Variants in PAPOLA observed in about 807,000 individuals in gnomAD.
PAPOLA encodes poly(A) polymerase alpha, also known as polynucleotide adenylyltransferase alpha.
In PAPOLA, 15 loss-of-function variants were observed where a neutral mutation model predicts 100.6. That is an observed-to-expected ratio of 0.15 (90% CI 0.10 to 0.23). PAPOLA has a LOEUF of 0.23. Among genes scored for constraint, PAPOLA ranks in the 10% least tolerant of loss-of-function variants. The pLI, the probability that PAPOLA is intolerant of heterozygous loss-of-function variation, is 1.00. For synonymous variants in PAPOLA, 293 were observed against 300.0 expected, an observed-to-expected ratio of 0.98 and a Z score of 0.24; for missense variants, 533 against 884.2, an observed-to-expected ratio of 0.60 and a Z score of 5.04.
Position 96,534,521 on chromosome 14 carries a change from G to A in PAPOLA, c.867G>A (p.Gln289=), listed in dbSNP as rs748079851. 6.2e-7 allele frequency: 1 copy of A among 1,613,918 alleles called. No homozygotes were observed. The highest frequency in any genetic ancestry group is 8.5e-7 in the Non-Finnish European group (1 of 1,179,892). ...WEWPNPVLLK[Q]PEECNLNLPV... Reference sequence around the variant, plus strand: ...GGCCAAATCCAGTGCTATTGAAACAGCCTGAAGAATGCAATCTTAATTTGC... The same window carrying A: ...GGCCAAATCCAGTGCTATTGAAACAACCTGAAGAATGCAATCTTAATTTGC... Residue 289 remains glutamine (Q), a synonymous_variant, in exon 10 of 22, where the codon CAG becomes CAA. Coordinates refer to ENST00000216277, the MANE Select transcript of PAPOLA (RefSeq NM_032632.5).
At chr14:96,518,417 T>TG (rs1897649948) in intron 1 of PAPOLA, among the ~76,000 whole-genome samples, 2 of 151,870 alleles carry the variant, frequency 1.3e-5, no homozygotes, top group South Asian at 4.2e-4. Context: ...CTTTTTGCTT[T>TG]TTTTTTTTTG....
intron 21 of PAPOLA, among the ~76,000 whole-genome samples, chr14:96,564,118 C>T (rs1485507815): frequency 1.3e-5 from 2 of 151,818 alleles, no homozygotes; most frequent in African/African-American, 4.8e-5. Flanking sequence ...ATGTTAGGGG[C>T]GTACTTATTT....
intron 1 of PAPOLA, among the ~76,000 whole-genome samples, chr14:96,505,040 C>T (rs1265013334): frequency 1.3e-5 from 2 of 152,220 alleles, no homozygotes; most frequent in Admixed American, 6.5e-5. Context: ...GTCTAAATTT[C>T]ATATGTAGCT....
At chr14:96,536,887 T>A in intron 11 of PAPOLA, 89 bp from the exon 12 acceptor site, 1 of 744,242 alleles carries the variant, frequency 1.3e-6, no homozygotes, top group Non-Finnish European at 2.4e-6. Context: ...TTTAGGATTA[T>A]AGTGAGTGCA....
At position 96,552,679 on chromosome 14, in the gene PAPOLA, C is replaced by T. The variant is rs1001840153; in HGVS notation, c.1664+57C>T. The T allele has an allele frequency of 4.1e-6, 6 of 1,465,302 alleles. No individual in the cohort carries two copies. In the African/African-American group the frequency reaches 8.4e-5, roughly 21 times the overall value. The allele number at this position is 1,465,302 out of a possible 1,614,324, so 90.8% of individuals were successfully genotyped here. A position where few individuals can be genotyped will look rare whatever the true frequency, so the allele number is the denominator to read the frequency against. ...GGCTGTTTGCTAAATCAATCAGATA[C>T]ATTCTCTTTTTGCTATTAAAGTCAT... On this transcript the variant is annotated intron_variant, in intron 17 of 21. Coordinates refer to ENST00000216277, the MANE Select transcript of PAPOLA (RefSeq NM_032632.5).
intron 1 of PAPOLA, among the ~76,000 whole-genome samples, chr14:96,512,272 A>T (rs75169415): frequency 3.9e-5 from 6 of 152,220 alleles, no homozygotes; most frequent in Middle Eastern, 3.4e-3. Flanking sequence ...TAAAAAAAAA[A>T]CTGGGTGTCA....
chr14:96,508,934 G>A (rs1338557249), intron 1 of PAPOLA, among the ~76,000 whole-genome samples: 3 of 152,194 alleles, frequency 2.0e-5, no homozygotes, highest in African/African-American at 7.2e-5. Context: ...TGTAGATTGG[G>A]GCTTAAATCA....
At chr14:96,560,755 C>G (rs777577097) in intron 20 of PAPOLA, 44 bp downstream of exon 20, 1 of 1,150,960 alleles carries the variant, frequency 8.7e-7, no homozygotes, top group East Asian at 2.4e-5. Context: ...ATTAAGAGTA[C>G]AGAAGATGTA....
rs933592396 is a variant in PAPOLA, at chr14:96,565,694, T to G, written c.*644T>G. ...AACTTGGTTTTGATAGGGTCATGAT[T>G]AAGAAATGATATATTGGTTTTATTT... On this transcript the variant is annotated 3_prime_UTR_variant, in exon 22 of 22. Transcript: ENST00000216277. 1.8e-5 allele frequency: 7 copies of G among 397,708 alleles called. No homozygotes were observed. The highest frequency in any genetic ancestry group is 3.1e-5 in the Non-Finnish European group (7 of 225,430). 24.6% of individuals were successfully genotyped at this position (397,708 alleles called of 1,614,324 possible).
chr14:96,550,095 C>T (rs1900722628), intron 16 of PAPOLA, among the ~76,000 whole-genome samples: 2 of 152,198 alleles, frequency 1.3e-5, no homozygotes, highest in African/African-American at 4.8e-5. Context: ...CTGCAGTGAA[C>T]TTATGATTAT....
chr14:96,566,025 G>A lies in PAPOLA; in HGVS notation c.*975G>A, dbSNP rs143862749. The A allele has an allele frequency of 2.6e-3, 1,043 of 396,930 alleles. 4 individuals carry two copies. Among genetic ancestry groups the A allele is most frequent in the Non-Finnish European group, 3.8e-3 (856 of 224,842 alleles). The allele number at this position is 396,930 out of a possible 1,614,324, so 24.6% of individuals were successfully genotyped here. A position where few individuals can be genotyped will look rare whatever the true frequency, so the allele number is the denominator to read the frequency against. ...TTTGGTCCCATGGCTGAAACTTGAGGGTGACTAAAAGTAATGCCTGTGAAA... is the reference window on the plus strand; with the variant it reads ...TTTGGTCCCATGGCTGAAACTTGAGAGTGACTAAAAGTAATGCCTGTGAAA... On this transcript the variant is annotated 3_prime_UTR_variant, in exon 22 of 22. Transcript: ENST00000216277.
intron 1 of PAPOLA, among the ~76,000 whole-genome samples, chr14:96,504,059 G>A (rs1365172510): frequency 6.6e-6 from 1 of 152,148 alleles, no homozygotes; most frequent in Non-Finnish European, 1.5e-5. Flanking sequence ...CATAGAATAA[G>A]AGACCCTAGG....
rs1485049215 is a variant in PAPOLA, at chr14:96,552,495, G to A, written c.1537G>A (p.Val513Ile). The change falls in exon 17 of 22, where the codon GTC becomes ATC. Residue 513 changes from valine to isoleucine, a missense_variant. Physicochemically the swap from Val to Ile is conservative, Grantham distance 29. Coordinates refer to ENST00000216277, the MANE Select transcript of PAPOLA (RefSeq NM_032632.5). Reference protein sequence around the residue: ...QKKKKHSTEGVKLTALNDSSL... With the variant: ...QKKKKHSTEGIKLTALNDSSL... ...TTGTTTGCAGCATTCAACAGAAGGT[G>A]TCAAATTGACAGCTCTCAATGACAG... The A allele has an allele frequency of 1.2e-6, 2 of 1,613,422 alleles. No individual in the cohort carries two copies. The highest frequency in any genetic ancestry group is 1.7e-6 in the Non-Finnish European group (2 of 1,179,514).
At chr14:96,516,497 C>G (rs1423146059) in intron 1 of PAPOLA, among the ~76,000 whole-genome samples, 1 of 151,998 alleles carries the variant, frequency 6.6e-6, no homozygotes, top group Non-Finnish European at 1.5e-5. Context: ...TGCCACCAAG[C>G]CCAGCTAATT....
chr14:96,540,403 T>A (rs2140300281), intron 12 of PAPOLA, among the ~76,000 whole-genome samples: 1 of 151,588 alleles, frequency 6.6e-6, no homozygotes, highest in East Asian at 1.9e-4. Flanking sequence ...TCTTTCTGCA[T>A]GTTCTTTACC....
chr14:96,536,413 T>C (rs1026145839), intron 11 of PAPOLA, among the ~76,000 whole-genome samples: 4 of 152,120 alleles, frequency 2.6e-5, no homozygotes, highest in South Asian at 2.1e-4. Flanking sequence ...TTTTGAACCC[T>C]AGTTGTACTG....
intron 1 of PAPOLA, chr14:96,504,821 A>G (rs1316031359): frequency 6.6e-6 from 1 of 152,194 alleles, no homozygotes; most frequent in African/African-American, 2.4e-5. Context: ...TCACACTGTC[A>G]TAAATGTTGT....
chr14:96,515,965 G>C (rs951578108), intron 1 of PAPOLA, among the ~76,000 whole-genome samples: 1 of 152,200 alleles, frequency 6.6e-6, no homozygotes, highest in African/African-American at 2.4e-5. Context: ...GAGAGTGTCA[G>C]TGCATATGTA....
chr14:96,542,837 T>A lies in PAPOLA; in HGVS notation c.1233T>A (p.Ile411=). 1.2e-6 allele frequency: 2 copies of A among 1,612,948 alleles called. No homozygotes were observed. The highest frequency in any genetic ancestry group is 1.7e-6 in the Non-Finnish European group (2 of 1,179,546). The change falls in exon 14 of 22, where the codon ATT becomes ATA. Residue 411 remains isoleucine (I), a synonymous_variant. Transcript: ENST00000216277. The part of the protein sequence containing the change: ...LVGSLEKNEF[I]TLAHVNPQSF... ...GAAGCTTGGAGAAGAATGAATTTAT[T>A]ACACTGGCTCATGTGAATCCCCAGT...
Sources: gnomAD v4.1 joint callset for allele counts (sites outside exome capture counted in the v4.1 genomes callset) on GRCh38, gnomAD v4.1.1 for gene constraint, MANE v1.5 for transcripts, NCBI Gene and HGNC (gene_info 2026-07-23, HGNC 2026-07-21) for gene names.